The following LRRC9 variants were observed in gnomAD, a reference collection of about 807,000 sequenced individuals.
LRRC9 encodes leucine rich repeat containing 9, also known as leucine-rich repeat-containing protein 9.
Under a neutral mutation model 63.2 loss-of-function variants are expected in LRRC9, and 122 were observed. The ratio of observed to expected loss-of-function variants is 1.93; its 90% CI spans 1.67 to 2.24. The LOEUF (loss-of-function observed/expected upper bound fraction) is 2.24. LRRC9 is among the 30% of genes most tolerant of loss of function. The pLI is 0.00. For missense variants in LRRC9, 1,071 were observed against 627.7 expected, an observed-to-expected ratio of 1.71 and a Z score of -7.55; for synonymous variants, 366 against 213.1, an observed-to-expected ratio of 1.72 and a Z score of -6.25.
At chr14:60,028,323 A>G (rs1891717117) in intron 28 of LRRC9, among the ~76,000 whole-genome samples, 2 of 152,090 alleles carry the variant, frequency 1.3e-5, no homozygotes, top group Admixed American at 1.3e-4. Context: ...GCTCATTAAC[A>G]AAGATTAGTT....
chr14:59,975,775 T>C (rs935963563), intron 13 of LRRC9, among the ~76,000 whole-genome samples: 2 of 152,168 alleles, frequency 1.3e-5, no homozygotes, highest in African/African-American at 4.8e-5. Context: ...ATGTATAATA[T>C]GGAGAATAGA....
At chr14:59,974,354 T>A (rs1276838365) in intron 12 of LRRC9, among the ~76,000 whole-genome samples, 2 of 152,146 alleles carry the variant, frequency 1.3e-5, no homozygotes, top group Non-Finnish European at 2.9e-5. Context: ...ACAATTTTTG[T>A]TCTGCATCAC....
At position 59,992,574 on chromosome 14, in the gene LRRC9, G is replaced by A. The variant is rs746058703; in HGVS notation, c.2212-5082G>A. 5.3e-5 allele frequency among the ~76,000 whole-genome samples: 8 copies of A among 152,082 alleles called. No individual in the cohort carries two copies. In the South Asian group the frequency reaches 6.2e-4, roughly 12 times the overall value. On this transcript the variant is annotated intron_variant, in intron 17 of 31. Transcript: ENST00000445360. Reference sequence around the variant, plus strand: ...TAAAAACCTTGAAAAAAAATTAGACGAATGGCTAACTAGAATAACCAATGC... The same window carrying A: ...TAAAAACCTTGAAAAAAAATTAGACAAATGGCTAACTAGAATAACCAATGC...
In LRRC9 at chr14:60,026,973, T is replaced by C. The variant is rs138093926; in HGVS notation, c.3704-911T>C. Among the ~76,000 whole-genome samples, 32 of 152,130 alleles carry C rather than the reference T, an allele frequency of 2.1e-4. No homozygotes were observed. The East Asian group carries it at 6.2e-3, about 29-fold the overall frequency. On this transcript the variant is annotated intron_variant, in intron 27 of 31. Transcript: ENST00000445360. ...TTAAAGACACTTTCTCCAAATACAG[T>C]CACATTTTGAGGTACTGGAGGTTAG...
chr14:60,010,277 T>C (rs555161166), intron 23 of LRRC9, among the ~76,000 whole-genome samples: 12 of 152,356 alleles, frequency 7.9e-5, no homozygotes, highest in Non-Finnish European at 1.6e-4. Context: ...ACCTCAATTC[T>C]TGACTTCTGT....
chr14:59,988,680 TACTATA>T (rs1222674231), intron 17 of LRRC9, among the ~76,000 whole-genome samples: 1 of 152,126 alleles, frequency 6.6e-6, no homozygotes, highest in Admixed American at 6.5e-5. Context: ...AAAATAATTA[TACTATA>T]ACTATATTGT....
At position 59,938,032 on chromosome 14, in the gene LRRC9, G is replaced by C. The variant is rs1272942636; in HGVS notation, c.544-358G>C. Among the ~76,000 whole-genome samples the C allele has an allele frequency of 2.0e-5, 3 of 152,092 alleles. No individual in the cohort carries two copies. The highest frequency in any genetic ancestry group is 6.6e-5 in the Admixed American group (1 of 15,248). On this transcript the variant is annotated intron_variant, in intron 6 of 31. Coordinates refer to ENST00000445360, the Ensembl canonical transcript of LRRC9. The surrounding 1 kb of genome is among the most constrained non-coding windows in gnomAD (Gnocchi z 4.2). Reference sequence around the variant, plus strand: ...GATAAGTACAGGAAATAGGGGTGAAGAAATCAGAGACCTACAGGTATCCTG... The same window carrying C: ...GATAAGTACAGGAAATAGGGGTGAACAAATCAGAGACCTACAGGTATCCTG...
chr14:59,931,756 GA>G lies in LRRC9; in HGVS notation c.472+75del, dbSNP rs535802640. On this transcript the variant is annotated intron_variant, in intron 5 of 31. Coordinates refer to ENST00000445360, the Ensembl canonical transcript of LRRC9. ...TATCAATATAAAAAGTACATGCTTA[GA>G]TTTTTTTTCTTTTAGGCTTTTTTCT... 9.9e-5 allele frequency: 62 copies of G among 627,604 alleles called. 1 individual carries two copies. In the South Asian group the frequency reaches 1.1e-3, roughly 11 times the overall value. The allele number at this position is 627,604 out of a possible 1,614,324, so 38.9% of individuals were successfully genotyped here.
intron 8 of LRRC9, among the ~76,000 whole-genome samples, chr14:59,957,680 G>C (rs1003796704): frequency 1.3e-5 from 2 of 152,136 alleles, no homozygotes; most frequent in Non-Finnish European, 2.9e-5. Flanking sequence ...TGCTGGAGAG[G>C]AGTTGCGATC....
Position 59,922,359 on chromosome 14 carries a change from A to G in LRRC9, c.-34+2476A>G, listed in dbSNP as rs891138212. 2.6e-5 allele frequency among the ~76,000 whole-genome samples: 4 copies of G among 152,232 alleles called. No homozygotes were observed. Among genetic ancestry groups the G allele is most frequent in the African/African-American group, 9.6e-5 (4 of 41,468 alleles). On this transcript the variant is annotated intron_variant, in intron 1 of 31. Transcript: ENST00000445360. This position sits in a 1 kb window ranked among gnomAD's most constrained non-coding sequence, Gnocchi z 5.3. The stretch of plus-strand genomic sequence containing the variant: ...TGGCAGTGAATCCAGGACTGAAAGC[A>G]GGTAGTGATGTGTTGCTAATGATTA...
At chr14:60,044,529 TCC>T in intron 29 of LRRC9, among the ~76,000 whole-genome samples, 1 of 152,202 alleles carries the variant, frequency 6.6e-6, no homozygotes, top group South Asian at 2.1e-4. Context: ...ATTTTTTAAT[TCC>T]CTTCTTCATT....
chr14:60,042,629 T>G lies in LRRC9; in HGVS notation c.3991-10436T>G, dbSNP rs1259366840. ...CAGTATTAGGCTGAGAGTGTCCCGA[T>G]TTTCCAGGTACTGCCTGTCATGGCT... On this transcript the variant is annotated intron_variant, in intron 29 of 31. Coordinates refer to ENST00000445360, the Ensembl canonical transcript of LRRC9. This position sits in a 1 kb window ranked among gnomAD's most constrained non-coding sequence, Gnocchi z 4.2. 6.6e-6 allele frequency among the ~76,000 whole-genome samples: 1 copy of G among 152,170 alleles called. No individual in the cohort carries two copies. Among genetic ancestry groups the G allele is most frequent in the East Asian group, 1.9e-4 (1 of 5,194 alleles).
intron 12 of LRRC9, among the ~76,000 whole-genome samples, chr14:59,970,161 G>C (rs1047747633): frequency 7.3e-5 from 8 of 109,576 alleles, no homozygotes; most frequent in Non-Finnish European, 1.0e-4. Context: ...TCCTCTTTAT[G>C]TGTTCATGTG....
chr14:60,038,689 A>G (rs895128118), intron 29 of LRRC9, among the ~76,000 whole-genome samples: 2 of 152,186 alleles, frequency 1.3e-5, no homozygotes, highest in Admixed American at 6.5e-5. Flanking sequence ...GGTTTTCCAA[A>G]TATACAATCA....
intron 13 of LRRC9, among the ~76,000 whole-genome samples, chr14:59,975,138 T>TATATATATAC (rs1259669946): frequency 8.8e-5 from 1 of 11,400 alleles, no homozygotes; most frequent in African/African-American, 1.6e-4. Context: ...TATATATATA[T>TATATATATAC]ACATATATAT....
Position 59,921,045 on chromosome 14 carries a change from A to G in LRRC9, c.-34+1162A>G, listed in dbSNP as rs182010169. ...CAGAATCACAAGAAAGAGAATGCTTATAATACTACCAGAGAGAATGAAAGT... is the reference window on the plus strand; with the variant it reads ...CAGAATCACAAGAAAGAGAATGCTTGTAATACTACCAGAGAGAATGAAAGT... On this transcript the variant is annotated intron_variant, in intron 1 of 31. Transcript: ENST00000445360. Among the ~76,000 whole-genome samples, 7 of 152,386 alleles carry G rather than the reference A, an allele frequency of 4.6e-5. No homozygotes were observed. In the East Asian group the frequency reaches 1.3e-3, roughly 29 times the overall value.
At chr14:60,047,696 G>A (rs979920461) in intron 29 of LRRC9, among the ~76,000 whole-genome samples, 2 of 152,100 alleles carry the variant, frequency 1.3e-5, no homozygotes, top group Non-Finnish European at 2.9e-5. Context: ...CAATAATAGT[G>A]GAAGATTTTA....
At chr14:59,944,824 A>G (rs1391575905) in intron 8 of LRRC9, 80 bp downstream of exon 8, 2 of 563,354 alleles carry the variant, frequency 3.6e-6, no homozygotes, top group Non-Finnish European at 6.2e-6. Context: ...TATCTTTTAA[A>G]TTATGTATAT....
intron 17 of LRRC9, among the ~76,000 whole-genome samples, chr14:59,995,417 G>A (rs1184115588): frequency 6.6e-6 from 1 of 152,122 alleles, no homozygotes; most frequent in African/African-American, 2.4e-5. Flanking sequence ...TTATCTTTCT[G>A]AATGAGAAAT....
Sources: gnomAD v4.1 joint callset for allele counts (sites outside exome capture counted in the v4.1 genomes callset) on GRCh38, gnomAD v4.1.1 for gene constraint, Gnocchi (gnomAD v3.1) non-coding constraint, MANE v1.5 for transcripts, NCBI Gene and HGNC (gene_info 2026-07-23, HGNC 2026-07-21) for gene names.